The following NT5DC1 variants were observed in gnomAD, a reference collection of about 807,000 sequenced individuals.
NT5DC1 encodes 5'-nucleotidase domain containing 1, also known as 5'-nucleotidase domain-containing protein 1.
Under a neutral mutation model 59.4 loss-of-function variants are expected in NT5DC1, and 42 were observed. The observed-to-expected ratio is 0.71, with a 90% CI of 0.55 to 0.92. The LOEUF (loss-of-function observed/expected upper bound fraction) is 0.92. NT5DC1 is among the 40% of genes least tolerant of loss of function. The pLI, the probability that NT5DC1 is intolerant of heterozygous loss-of-function variation, is 0.00. For missense variants in NT5DC1, 501 were observed against 537.1 expected (o/e 0.93, Z 0.66); for synonymous variants, 172 against 188.1 (o/e 0.91, Z 0.70).
chr6:116,210,262 A>G (rs189013546), intron 6 of NT5DC1, among the ~76,000 whole-genome samples: 11 of 152,128 alleles, frequency 7.2e-5, no homozygotes, highest in African/African-American at 2.6e-4. Flanking sequence ...GTAAGGTTCA[A>G]AAAGAAGCTA....
chr6:116,120,853 T>C, intron 6 of NT5DC1: 1 of 1,614,032 alleles, frequency 6.2e-7, no homozygotes, highest in Non-Finnish European at 8.5e-7. Context: ...CCACAGGGCC[T>C]GGGAGACCAG....
intron 8 of NT5DC1, among the ~76,000 whole-genome samples, chr6:116,235,487 A>G (rs1782097998): frequency 6.6e-6 from 1 of 152,236 alleles, no homozygotes; most frequent in African/African-American, 2.4e-5. Context: ...ATTGAACATA[A>G]GCTGCTAGCT....
chr6:116,122,765 C>T (rs899444812), intron 6 of NT5DC1, among the ~76,000 whole-genome samples: 7 of 151,778 alleles, frequency 4.6e-5, no homozygotes, highest in Non-Finnish European at 1.0e-4. Context: ...AAATGCAGAG[C>T]GAATCATTAA....
Position 116,248,313 on chromosome 6 carries a change from C to T in NT5DC1, c.*4289C>T, listed in dbSNP as rs897380418. 1 of 152,162 alleles carries T rather than the reference C, an allele frequency of 6.6e-6. No individual in the cohort carries two copies. The highest frequency in any genetic ancestry group is 1.5e-5 in the Non-Finnish European group (1 of 68,028). 9.4% of individuals were successfully genotyped at this position (152,162 alleles called of 1,614,324 possible). On this transcript the variant is annotated 3_prime_UTR_variant, in exon 12 of 12. Transcript: ENST00000319550. Reference sequence around the variant, plus strand: ...GATTATCAAAGTAATATGTGCACTTCGAAGTGCCTGACATATCTCAGATCT... The same window carrying T: ...GATTATCAAAGTAATATGTGCACTTTGAAGTGCCTGACATATCTCAGATCT...
chr6:116,126,877 G>A (rs1779330419), intron 6 of NT5DC1, among the ~76,000 whole-genome samples: 1 of 152,064 alleles, frequency 6.6e-6, no homozygotes, highest in African/African-American at 2.4e-5. Context: ...GGCTTAACTT[G>A]CAGTTAGGAA....
In NT5DC1 at chr6:116,109,612, A is replaced by C. The variant is rs998150300; in HGVS notation, c.257+1177A>C. Among the ~76,000 whole-genome samples, 7 of 152,272 alleles carry C rather than the reference A, an allele frequency of 4.6e-5. No individual in the cohort carries two copies. In the South Asian group the frequency reaches 1.5e-3, roughly 32 times the overall value. Reference sequence around the variant, plus strand: ...TTTAGTTTCTCCTGAATTTATTAGCATACCTCCTTGATGCTTTCTTTCAAC... The same window carrying C: ...TTTAGTTTCTCCTGAATTTATTAGCCTACCTCCTTGATGCTTTCTTTCAAC... On this transcript the variant is annotated intron_variant, in intron 3 of 11. Transcript: ENST00000319550.
intron 6 of NT5DC1, among the ~76,000 whole-genome samples, chr6:116,190,282 A>G (rs1342733398): frequency 6.6e-6 from 1 of 152,006 alleles, no homozygotes; most frequent in East Asian, 1.9e-4. Flanking sequence ...TCTTTTATCA[A>G]TATATGAAAT....
In NT5DC1 at chr6:116,122,376, G is replaced by A. The variant is rs117989654; in HGVS notation, c.529+4431G>A. The stretch of plus-strand genomic sequence containing the variant: ...TTTCCCTCCCAAAGCTACCCTGTCA[G>A]ACATAAAAGAGAAACAGAATTAATT... On this transcript the variant is annotated intron_variant, in intron 6 of 11. Transcript: ENST00000319550. 4.7e-4 allele frequency among the ~76,000 whole-genome samples: 71 copies of A among 152,260 alleles called. 1 individual carries two copies. The East Asian group carries it at 8.5e-3, about 18-fold the overall frequency.
In NT5DC1 at chr6:116,180,938, G is replaced by A. The variant is rs530449049; in HGVS notation, c.530-40116G>A. ...GCTGGTGACATTTTCAACACTAACT[G>A]ATATATGATGATAGTAAAGAATTAT... On this transcript the variant is annotated intron_variant, in intron 6 of 11. Transcript: ENST00000319550. Among the ~76,000 whole-genome samples the A allele has an allele frequency of 2.3e-4, 35 of 152,104 alleles. 2 individuals are homozygous for A. In the South Asian group the frequency reaches 7.3e-3, roughly 32 times the overall value.
At chr6:116,237,508 G>GCCC (rs1376245811) in intron 9 of NT5DC1, 2 of 457,388 alleles carry the variant, frequency 4.4e-6, no homozygotes, top group Non-Finnish European at 8.8e-6. Context: ...GGGTAACAGA[G>GCCC]CCCTGCTCCA....
In NT5DC1 at chr6:116,231,755, A is replaced by T. The variant is rs191671196; in HGVS notation, c.803-5211A>T. On this transcript the variant is annotated intron_variant, in intron 8 of 11. Coordinates refer to ENST00000319550, the MANE Select transcript of NT5DC1 (RefSeq NM_152729.3). The stretch of plus-strand genomic sequence containing the variant: ...GTCTATCTATAGAGGACTATTATTA[A>T]TAAATAAATAATAGAACATGTGTAA... Among the ~76,000 whole-genome samples, 7 of 152,386 alleles carry T rather than the reference A, an allele frequency of 4.6e-5. No homozygotes were observed. The South Asian group carries it at 6.2e-4, about 14-fold the overall frequency.
At chr6:116,231,484 G>A (rs1782020190) in intron 8 of NT5DC1, among the ~76,000 whole-genome samples, 1 of 152,188 alleles carries the variant, frequency 6.6e-6, no homozygotes, top group Non-Finnish European at 1.5e-5. Context: ...GTCAGAGATT[G>A]CCACCAGAAT....
At chr6:116,155,993 A>T (rs1163031524) in intron 6 of NT5DC1, among the ~76,000 whole-genome samples, 1 of 152,172 alleles carries the variant, frequency 6.6e-6, no homozygotes, top group Non-Finnish European at 1.5e-5. Context: ...AATTACATTG[A>T]CTTGAATCAA....
chr6:116,153,061 G>A (rs886925651), intron 6 of NT5DC1, among the ~76,000 whole-genome samples: 8 of 151,670 alleles, frequency 5.3e-5, no homozygotes, highest in African/African-American at 1.9e-4. Flanking sequence ...ATCACTTGAG[G>A]TAGGCTAATA....
rs555955192 is a variant in NT5DC1 at position 116,141,509 on chromosome 6, T to C, written c.529+23564T>C. 2.0e-5 allele frequency among the ~76,000 whole-genome samples: 3 copies of C among 152,124 alleles called. 1 individual carries two copies. The highest frequency in any genetic ancestry group is 4.8e-5 in the African/African-American group (2 of 41,516). ...AACTTTCCAGTGGGACTCCAAGTCA[T>C]TGTATATTCAAGAAAAAACGTGGCA... On this transcript the variant is annotated intron_variant, in intron 6 of 11. Transcript: ENST00000319550.
chr6:116,172,279 T>G (rs940957755), intron 6 of NT5DC1, among the ~76,000 whole-genome samples: 1 of 151,780 alleles, frequency 6.6e-6, no homozygotes, highest in Non-Finnish European at 1.5e-5. Flanking sequence ...TATTAAAGAT[T>G]GGATTGTCAA....
intron 11 of NT5DC1, among the ~76,000 whole-genome samples, chr6:116,241,853 G>A (rs1396887811): frequency 1.4e-5 from 2 of 144,590 alleles, no homozygotes; most frequent in African/African-American, 5.2e-5. Context: ...AACCCGGGGG[G>A]CGGAGCTTGC....
chr6:116,151,228 C>A (rs1780029344), intron 6 of NT5DC1, among the ~76,000 whole-genome samples: 1 of 152,186 alleles, frequency 6.6e-6, no homozygotes. Context: ...ATCTTCCAAA[C>A]CCCCACATTT....
chr6:116,123,393 T>C (rs1779194168), intron 6 of NT5DC1, among the ~76,000 whole-genome samples: 1 of 152,254 alleles, frequency 6.6e-6, no homozygotes, highest in African/African-American at 2.4e-5. Flanking sequence ...AAAAATTTTC[T>C]TCATTCAAGA....
Sources: allele counts gnomAD v4.1 joint callset (sites outside exome capture counted in the v4.1 genomes callset), GRCh38; gene constraint gnomAD v4.1.1; transcripts MANE v1.5; gene names NCBI Gene and HGNC (gene_info 2026-07-23, HGNC 2026-07-21).